The following MDGA2 variants were observed in gnomAD, a reference collection of about 807,000 sequenced individuals.
MDGA2 encodes MAM domain containing glycosylphosphatidylinositol anchor 2, also known as MAM domain-containing glycosylphosphatidylinositol anchor protein 2.
A neutral mutation model predicts 117.8 loss-of-function variants in MDGA2; 40 were observed. The observed-to-expected ratio is 0.34, with a 90% CI of 0.26 to 0.44. MDGA2 has a LOEUF of 0.44. MDGA2 is among the 20% of genes least tolerant of loss of function. MDGA2 has a pLI of 1.00. For synonymous variants in MDGA2, 452 were observed against 439.0 expected (o/e 1.03, Z -0.37); for missense variants, 1,123 against 1,250.6 (o/e 0.90, Z 1.54).
chr14:46,929,601 G>GTGTATATATA (rs1398520996), intron 9 of MDGA2, among the ~76,000 whole-genome samples: 6 of 12,674 alleles, frequency 4.7e-4, no homozygotes, highest in Non-Finnish European at 1.0e-3. Context: ...GTGTGTGTGT[G>GTGTATATATA]TATATATATA....
At position 47,175,957 on chromosome 14, in the gene MDGA2, G is replaced by A. The variant is rs528642647; in HGVS notation, c.596-31683C>T. Among the ~76,000 whole-genome samples, 4 of 152,184 alleles carry A rather than the reference G, an allele frequency of 2.6e-5. No homozygotes were observed. In the South Asian group the frequency reaches 6.2e-4, roughly 24 times the overall value. ...GATAAGCAACTTCAGCAAAGTCTCA[G>A]GATACAAAATCAATGTGCAAAAATC... On this transcript the variant is annotated intron_variant, in intron 3 of 16. Coordinates refer to ENST00000399232, the MANE Select transcript of MDGA2 (RefSeq NM_001113498.3).
At chr14:47,275,338 G>A (rs1003380103) in intron 2 of MDGA2, among the ~76,000 whole-genome samples, 2 of 152,126 alleles carry the variant, frequency 1.3e-5, no homozygotes, top group African/African-American at 4.8e-5. Context: ...TCTAATGTAC[G>A]ATGTGGTTCC....
chr14:47,151,316 G>A (rs1345280676), intron 3 of MDGA2, among the ~76,000 whole-genome samples: 2 of 152,238 alleles, frequency 1.3e-5, no homozygotes, highest in Non-Finnish European at 2.9e-5. Flanking sequence ...ATTTCCCACA[G>A]TGAGGTGGCT....
At chr14:47,140,806 A>G (rs1882685205) in intron 4 of MDGA2, among the ~76,000 whole-genome samples, 1 of 152,176 alleles carries the variant, frequency 6.6e-6, no homozygotes, top group Non-Finnish European at 1.5e-5. Context: ...GAGAAACAGA[A>G]TTATATTGAA....
intron 1 of MDGA2, among the ~76,000 whole-genome samples, chr14:47,333,260 A>G (rs1024375098): frequency 2.0e-5 from 3 of 151,920 alleles, no homozygotes; most frequent in Non-Finnish European, 4.4e-5. Context: ...TTTCCCACCA[A>G]CAATGTAAAA....
intron 1 of MDGA2, among the ~76,000 whole-genome samples, chr14:47,602,143 A>T (rs1035237813): frequency 2.0e-5 from 3 of 152,184 alleles, no homozygotes; most frequent in African/African-American, 7.2e-5. Context: ...TTTTTAAAGT[A>T]AGTGACACAT....
intron 1 of MDGA2, among the ~76,000 whole-genome samples, chr14:47,362,967 C>G (rs1289057273): frequency 6.6e-6 from 1 of 152,114 alleles, no homozygotes; most frequent in African/African-American, 2.4e-5. Flanking sequence ...GATGCAAAAG[C>G]AATTAGTAAA....
intron 8 of MDGA2, among the ~76,000 whole-genome samples, chr14:46,993,773 T>C (rs150268711): frequency 2.6e-5 from 4 of 152,310 alleles, no homozygotes; most frequent in African/African-American, 9.6e-5. Flanking sequence ...TATGTTGTTC[T>C]TATATACTAG....
At chr14:47,656,846 G>C (rs987181418) in intron 1 of MDGA2, among the ~76,000 whole-genome samples, 9 of 152,156 alleles carry the variant, frequency 5.9e-5, no homozygotes, top group Non-Finnish European at 1.2e-4. Flanking sequence ...GGTGTAAAGA[G>C]GTGGGATTTA....
At chr14:47,638,420 C>A (rs887492485) in intron 1 of MDGA2, among the ~76,000 whole-genome samples, 1 of 152,126 alleles carries the variant, frequency 6.6e-6, no homozygotes, top group African/African-American at 2.4e-5. Flanking sequence ...GGAATTAATG[C>A]CAACATTCAT....
intron 1 of MDGA2, among the ~76,000 whole-genome samples, chr14:47,512,835 T>A (rs1894669973): frequency 6.6e-6 from 1 of 152,096 alleles, no homozygotes; most frequent in African/African-American, 2.4e-5. Context: ...CATCCTCATT[T>A]AACACACGAT....
intron 1 of MDGA2, among the ~76,000 whole-genome samples, chr14:47,376,938 TA>T (rs1891492395): frequency 6.6e-6 from 1 of 152,126 alleles, no homozygotes; most frequent in South Asian, 2.1e-4. Context: ...ACATGTAAAG[TA>T]ACAATAAGAG....
At position 47,155,888 on chromosome 14, in the gene MDGA2, C is replaced by CTTTTTTTTTTTTTT. The variant is rs55827732; in HGVS notation, c.596-11628_596-11615dup. ...ATTCTTTTCTTTTCTTCTTCTTCTT[C>CTTTTTTTTTTTTTT]TTTTTTTTTTTTTTTTTTTTTTTTT... is the stretch of plus-strand genomic sequence containing the variant. On this transcript the variant is annotated intron_variant, in intron 3 of 16. Transcript: ENST00000399232. 1.4e-3 allele frequency among the ~76,000 whole-genome samples: 55 copies of CTTTTTTTTTTTTTT among 40,154 alleles called. 5 individuals are homozygous for CTTTTTTTTTTTTTT. The highest frequency in any genetic ancestry group is 1.9e-3 in the Non-Finnish European group (44 of 23,054). 26.3% of individuals were successfully genotyped at this position (40,154 alleles called of 152,430 possible).
chr14:47,352,403 T>A (rs1444903065), intron 1 of MDGA2, among the ~76,000 whole-genome samples: 1 of 88 alleles, frequency 0.011, no homozygotes, highest in Admixed American at 0.1. Flanking sequence ...TTTGGATACC[T>A]AGTTTTAACC....
At chr14:46,894,825 G>C (rs1024381793) in intron 10 of MDGA2, among the ~76,000 whole-genome samples, 1 of 152,128 alleles carries the variant, frequency 6.6e-6, no homozygotes, top group African/African-American at 2.4e-5. Flanking sequence ...TTCTTTAGCA[G>C]CTTCTGATAA....
chr14:47,016,566 C>T (rs913176027), intron 8 of MDGA2, among the ~76,000 whole-genome samples: 3 of 151,882 alleles, frequency 2.0e-5, no homozygotes, highest in Non-Finnish European at 4.4e-5. Context: ...TATGAATTTC[C>T]GTGACTCACT....
At chr14:47,107,028 G>T (rs11157545) in intron 5 of MDGA2, among the ~76,000 whole-genome samples, 25,258 of 96,610 alleles carry the variant, frequency 0.26, 5,821 homozygotes, top group African/African-American at 0.39. Flanking sequence ...TTCTTCCCAA[G>T]CCAAAGCCTC....
At chr14:47,467,958 G>C (rs558547719) in intron 1 of MDGA2, among the ~76,000 whole-genome samples, 2 of 152,210 alleles carry the variant, frequency 1.3e-5, no homozygotes, top group East Asian at 3.9e-4. Flanking sequence ...CAGAAAATGG[G>C]AAACACTGGG....
intron 2 of MDGA2, among the ~76,000 whole-genome samples, chr14:47,239,780 TAA>T (rs1242063307): frequency 1.3e-5 from 2 of 151,950 alleles, no homozygotes; most frequent in Non-Finnish European, 2.9e-5. Context: ...TTTGATTGAA[TAA>T]AAGTTATTTT....
Sources: gnomAD v4.1 joint callset for allele counts (sites outside exome capture counted in the v4.1 genomes callset) on GRCh38, gnomAD v4.1.1 for gene constraint, MANE v1.5 for transcripts, NCBI Gene and HGNC (gene_info 2026-07-23, HGNC 2026-07-21) for gene names.